Variants in C1QTNF3 observed in about 807,000 individuals in gnomAD.
C1QTNF3 encodes C1q and TNF related 3, also known as complement C1q tumor necrosis factor-related protein 3.
A neutral mutation model predicts 32.6 loss-of-function variants in C1QTNF3; 26 were observed. The ratio of observed to expected loss-of-function variants is 0.80; its 90% CI spans 0.58 to 1.11. The LOEUF is 1.11. Among genes scored for constraint, C1QTNF3 ranks in the 50% least tolerant of loss-of-function variants. The probability of loss-of-function intolerance (pLI) is 0.00; values close to 1 mark genes in which losing one functional copy is unlikely to be tolerated. For missense variants in C1QTNF3, 362 were observed against 398.2 expected, an observed-to-expected ratio of 0.91 and a Z score of 0.77; for synonymous variants, 155 against 146.0, an observed-to-expected ratio of 1.06 and a Z score of -0.44.
chr5:34,087,641 A>G, the C1QTNF3 span, among the ~76,000 whole-genome samples: 1 of 129,996 alleles, frequency 7.7e-6, no homozygotes, highest in Non-Finnish European at 1.5e-5. Context: ...TGGCACCATC[A>G]TGGCTCAATC....
the C1QTNF3 span, chr5:34,165,261 CTCT>C: frequency 6.6e-6 from 1 of 152,126 alleles, no homozygotes; most frequent in South Asian, 2.1e-4. Context: ...CTACTCTACT[CTCT>C]TCCCTGGTTC....
At chr5:34,164,359 A>C in the C1QTNF3 span, among the ~76,000 whole-genome samples, 1 of 152,152 alleles carries the variant, frequency 6.6e-6, no homozygotes, top group African/African-American at 2.4e-5. Context: ...AGAATAAAAC[A>C]TCATCTTTCA....
At chr5:34,035,263 A>G (rs1561059103) in intron 2 of C1QTNF3, among the ~76,000 whole-genome samples, 1 of 152,194 alleles carries the variant, frequency 6.6e-6, no homozygotes, top group Admixed American at 6.5e-5. Flanking sequence ...CATGAGAGTC[A>G]ACTGAGAGAC....
At chr5:34,050,447 C>T in the C1QTNF3 span, among the ~76,000 whole-genome samples, 3 of 152,186 alleles carry the variant, frequency 2.0e-5, no homozygotes, top group Non-Finnish European at 4.4e-5. Flanking sequence ...ATAGCAGACA[C>T]TGTTTGTTGT....
chr5:34,230,428 T>A, the C1QTNF3 span, among the ~76,000 whole-genome samples: 1 of 152,196 alleles, frequency 6.6e-6, no homozygotes, highest in African/African-American at 2.4e-5. Context: ...GCATGTTTCA[T>A]GATGGTCAAT....
At chr5:34,026,136 C>T (rs759596778) in intron 4 of C1QTNF3, among the ~76,000 whole-genome samples, 16 of 152,232 alleles carry the variant, frequency 1.1e-4, no homozygotes, top group East Asian at 3.9e-4. Flanking sequence ...CGTTCTGCAA[C>T]GCTAGGAGAC....
the C1QTNF3 span, among the ~76,000 whole-genome samples, chr5:34,222,015 C>A: frequency 6.6e-6 from 1 of 151,972 alleles, no homozygotes; most frequent in African/African-American, 2.4e-5. Flanking sequence ...TTTTCCTAGA[C>A]TAATTCTCAT....
the C1QTNF3 span, among the ~76,000 whole-genome samples, chr5:34,070,073 A>T: frequency 6.6e-6 from 1 of 152,194 alleles, no homozygotes; most frequent in African/African-American, 2.4e-5. Context: ...CTACTATCCA[A>T]AATGTATGAT....
At chr5:34,091,336 G>T in the C1QTNF3 span, among the ~76,000 whole-genome samples, 2 of 152,240 alleles carry the variant, frequency 1.3e-5, no homozygotes, top group Non-Finnish European at 2.9e-5. Context: ...AACATTCTTC[G>T]CCTCTTTATG....
At chr5:34,225,968 G>C in the C1QTNF3 span, among the ~76,000 whole-genome samples, 1 of 151,748 alleles carries the variant, frequency 6.6e-6, no homozygotes, top group Non-Finnish European at 1.5e-5. Flanking sequence ...ATAATTTTGA[G>C]AAAAACATTA....
At chr5:34,047,554 C>T (rs754740517), upstream of C1QTNF3, among the ~76,000 whole-genome samples, 2 of 152,166 alleles carry the variant, frequency 1.3e-5, no homozygotes, top group Non-Finnish European at 2.9e-5. Flanking sequence ...AAGGAGGCAA[C>T]TGTTTGCATG....
the C1QTNF3 span, among the ~76,000 whole-genome samples, chr5:34,184,192 C>A: frequency 1.3e-5 from 2 of 151,878 alleles, no homozygotes; most frequent in Admixed American, 6.5e-5. Flanking sequence ...TGCAACAATG[C>A]ATGTGACAAA....
chr5:34,123,339 C>CAT, the C1QTNF3 span, among the ~76,000 whole-genome samples: 27 of 152,288 alleles, frequency 1.8e-4, no homozygotes, highest in East Asian at 3.5e-3. Context: ...TATATGAATG[C>CAT]ACATACATAC....
the C1QTNF3 span, among the ~76,000 whole-genome samples, chr5:34,146,757 A>G: frequency 1.3e-5 from 2 of 151,968 alleles, no homozygotes; most frequent in Admixed American, 1.3e-4. Context: ...GCCATGGCCA[A>G]TAATTTTTGG....
At chr5:34,126,832 T>C in the C1QTNF3 span, among the ~76,000 whole-genome samples, 1 of 152,198 alleles carries the variant, frequency 6.6e-6, no homozygotes, top group Non-Finnish European at 1.5e-5. Flanking sequence ...TGGCCCTGTG[T>C]CCCCATGCAA....
chr5:34,044,531 T>C (rs570179096), upstream of C1QTNF3, among the ~76,000 whole-genome samples: 134 of 152,180 alleles, frequency 8.8e-4, no homozygotes, highest in African/African-American at 3.2e-3. Context: ...CCCCCATTGC[T>C]CAGCCAAGGG....
chr5:34,111,529 CACTT>C, the C1QTNF3 span, among the ~76,000 whole-genome samples: 1 of 150,378 alleles, frequency 6.6e-6, no homozygotes, highest in Non-Finnish European at 1.5e-5. Flanking sequence ...CCTTCACTCT[CACTT>C]ACGTGTCTAT....
chr5:34,101,776 A>C, the C1QTNF3 span, among the ~76,000 whole-genome samples: 7 of 151,976 alleles, frequency 4.6e-5, no homozygotes, highest in African/African-American at 1.7e-4. Flanking sequence ...AGCCTCTTTG[A>C]TCATTTCAGA....
At chr5:34,142,083 C>G in the C1QTNF3 span, among the ~76,000 whole-genome samples, 1 of 152,150 alleles carries the variant, frequency 6.6e-6, no homozygotes, top group Non-Finnish European at 1.5e-5. Context: ...TGTGGCTTAT[C>G]CCCATAATAC....
Sources: gnomAD v4.1 joint callset for allele counts (sites outside exome capture counted in the v4.1 genomes callset) on GRCh38, gnomAD v4.1.1 for gene constraint, MANE v1.5 for transcripts, NCBI Gene and HGNC (gene_info 2026-07-23, HGNC 2026-07-21) for gene names.